The following CAST variants were observed in gnomAD, a reference collection of about 807,000 sequenced individuals.
The protein encoded by CAST is calpastatin.
A neutral mutation model predicts 119.6 loss-of-function variants in CAST; 76 were observed. The ratio of observed to expected loss-of-function variants is 0.64; its 90% CI spans 0.53 to 0.77. The LOEUF (loss-of-function observed/expected upper bound fraction) is 0.77, where lower values mean the gene tolerates loss of function less well. CAST is among the 30% of genes least tolerant of loss of function. The probability of loss-of-function intolerance (pLI) is 0.00; values close to 1 mark genes in which losing one functional copy is unlikely to be tolerated. For missense variants in CAST, 953 were observed against 946.5 expected (o/e 1.01, Z -0.09); for synonymous variants, 319 against 331.6 (o/e 0.96, Z 0.41).
At chr5:96,208,299 A>T in the CAST span, among the ~76,000 whole-genome samples, 1 of 150,700 alleles carries the variant, frequency 6.6e-6, no homozygotes, top group South Asian at 2.1e-4. Context: ...GATCTTTTGT[A>T]TGCTTTTCTG....
At chr5:96,470,337 C>T in the CAST span, among the ~76,000 whole-genome samples, 13 of 151,936 alleles carry the variant, frequency 8.6e-5, no homozygotes, top group East Asian at 2.5e-3. Flanking sequence ...TTATGGCCAA[C>T]AATATTGCCA....
the CAST span, among the ~76,000 whole-genome samples, chr5:96,223,844 A>G: frequency 1.3e-5 from 2 of 152,218 alleles, no homozygotes; most frequent in Admixed American, 1.3e-4. Context: ...TACTGTCATG[A>G]GAATTTTCTG....
chr5:96,705,780 C>T (rs1233910684), intron 3 of CAST, among the ~76,000 whole-genome samples: 2 of 152,078 alleles, frequency 1.3e-5, no homozygotes, highest in African/African-American at 4.8e-5. Context: ...ATACGGAGCC[C>T]TTATGTGCTG....
At chr5:96,436,452 TAA>T in the CAST span, among the ~76,000 whole-genome samples, 26,284 of 152,162 alleles carry the variant, frequency 0.17, 2,682 homozygotes, top group Middle Eastern at 0.22. Context: ...TTCACCAATA[TAA>T]GTTTTTATCT....
At chr5:96,442,974 T>C in the CAST span, among the ~76,000 whole-genome samples, 1 of 152,342 alleles carries the variant, frequency 6.6e-6, no homozygotes, top group East Asian at 1.9e-4. Flanking sequence ...CTCCTTCTTC[T>C]TTTTGTAACC....
At chr5:96,069,355 ATG>A in the CAST span, among the ~76,000 whole-genome samples, 5,309 of 141,616 alleles carry the variant, frequency 0.037, 136 homozygotes, top group African/African-American at 0.071. Context: ...GTGTGTATGT[ATG>A]TGTGTGTGTG....
the CAST span, among the ~76,000 whole-genome samples, chr5:96,115,655 A>G: frequency 1.7e-4 from 26 of 152,212 alleles, no homozygotes; most frequent in Non-Finnish European, 3.5e-4. Flanking sequence ...TGAGTATACC[A>G]GCTTTAGATG....
At chr5:96,266,166 C>T in the CAST span, among the ~76,000 whole-genome samples, 1 of 152,118 alleles carries the variant, frequency 6.6e-6, no homozygotes, top group African/African-American at 2.4e-5. Flanking sequence ...CCCAGGGCCA[C>T]AAATAAGTGA....
the CAST span, among the ~76,000 whole-genome samples, chr5:96,372,636 A>T: frequency 6.6e-6 from 1 of 152,130 alleles, no homozygotes; most frequent in Non-Finnish European, 1.5e-5. Context: ...CTCTTTCCAG[A>T]TTCAAATACT....
chr5:96,475,659 T>C, the CAST span, among the ~76,000 whole-genome samples: 1 of 152,114 alleles, frequency 6.6e-6, no homozygotes, highest in Non-Finnish European at 1.5e-5. Context: ...TTTGGCGAAA[T>C]CACTCAGTCC....
chr5:96,528,716 A>G (rs915051510), upstream of CAST, among the ~76,000 whole-genome samples: 4 of 152,252 alleles, frequency 2.6e-5, no homozygotes, highest in African/African-American at 9.6e-5. Flanking sequence ...CAAAAATTAT[A>G]GCATGTAAGA....
intron 11 of CAST, among the ~76,000 whole-genome samples, chr5:96,738,498 G>A (rs1472403204): frequency 6.6e-6 from 1 of 152,112 alleles, no homozygotes; most frequent in Non-Finnish European, 1.5e-5. Context: ...CTGGGACACG[G>A]TCCACTGGGT....
chr5:96,735,852 T>C (rs1176782592), intron 9 of CAST, among the ~76,000 whole-genome samples: 1 of 152,176 alleles, frequency 6.6e-6, no homozygotes, highest in Non-Finnish European at 1.5e-5. Flanking sequence ...ATGGATGTTG[T>C]AAAAACTGGC....
chr5:96,410,074 C>T, the CAST span, among the ~76,000 whole-genome samples: 2 of 152,072 alleles, frequency 1.3e-5, no homozygotes, highest in Non-Finnish European at 2.9e-5. Flanking sequence ...AATTGGGGGC[C>T]TTACATTTTT....
At chr5:96,567,569 T>G (rs1746492316) in intron 1 of CAST, among the ~76,000 whole-genome samples, 1 of 152,190 alleles carries the variant, frequency 6.6e-6, no homozygotes, top group Admixed American at 6.5e-5. Flanking sequence ...GGCTGCTGCT[T>G]GTGTAAACAG....
chr5:96,560,284 A>T (rs1312788151), intron 1 of CAST, among the ~76,000 whole-genome samples: 1 of 152,086 alleles, frequency 6.6e-6, no homozygotes, highest in Admixed American at 6.5e-5. Context: ...ACCGTTCAGG[A>T]CATAGGCATG....
At chr5:96,731,761 T>C (rs1404726440) in intron 9 of CAST, among the ~76,000 whole-genome samples, 3 of 150,274 alleles carry the variant, frequency 2.0e-5, no homozygotes, top group Non-Finnish European at 4.4e-5. Context: ...TGTTTGGTTT[T>C]TCGTTCTTGC....
intron 16 of CAST, among the ~76,000 whole-genome samples, 191 bp from the exon 17 acceptor site, chr5:96,746,151 T>C (rs771499786): frequency 6.6e-6 from 1 of 152,224 alleles, no homozygotes; most frequent in Non-Finnish European, 1.5e-5. Flanking sequence ...CTACTTTTGC[T>C]CAGTCACCCA....
At chr5:96,520,264 A>G in the CAST span, among the ~76,000 whole-genome samples, 1 of 152,100 alleles carries the variant, frequency 6.6e-6, no homozygotes, top group Non-Finnish European at 1.5e-5. Context: ...ACTGATTTGG[A>G]TTTATTTTAC....
Sources: allele counts gnomAD v4.1 joint callset (sites outside exome capture counted in the v4.1 genomes callset), GRCh38; gene constraint gnomAD v4.1.1; transcripts MANE v1.5; gene names NCBI Gene and HGNC (gene_info 2026-07-23, HGNC 2026-07-21).